The following TENM2 variants were observed in gnomAD, a reference collection of about 807,000 sequenced individuals.
The protein encoded by TENM2 is teneurin-2.
Under a neutral mutation model 245.2 loss-of-function variants are expected in TENM2, and 52 were observed. That is an observed-to-expected ratio of 0.21 (90% confidence interval 0.17 to 0.27). The LOEUF (loss-of-function observed/expected upper bound fraction) is 0.27. Among genes scored for constraint, TENM2 ranks in the 10% least tolerant of loss-of-function variants. TENM2 has a pLI of 1.00. For missense variants in TENM2, 3,046 were observed against 3,666.8 expected (o/e 0.83, Z 4.37); for synonymous variants, 1,363 against 1,438.9 (o/e 0.95, Z 1.19).
chr5:167,288,516 G>T (rs1284069998), intron 1 of TENM2, among the ~76,000 whole-genome samples: 2 of 147,468 alleles, frequency 1.4e-5, no homozygotes, highest in African/African-American at 5.1e-5. Flanking sequence ...CGGAGATCGC[G>T]CCACTGCACT....
chr5:167,007,798 C>T, the TENM2 span, among the ~76,000 whole-genome samples: 2 of 152,276 alleles, frequency 1.3e-5, no homozygotes, highest in African/African-American at 4.8e-5. This position sits in a 1 kb window ranked among gnomAD's most constrained non-coding sequence, Gnocchi z 4.2. Context: ...GGTGAGGTGG[C>T]ATGTTTCCAC....
At chr5:167,220,226 C>G in the TENM2 span, among the ~76,000 whole-genome samples, 1 of 150,380 alleles carries the variant, frequency 6.6e-6, no homozygotes, top group Non-Finnish European at 1.5e-5. Flanking sequence ...TGGGAGGAGA[C>G]TCTTAAGTCT....
Position 167,949,110 on chromosome 5 carries a change from C to A in TENM2, c.713-3478C>A, listed in dbSNP as rs76828295. On this transcript the variant is annotated intron_variant, in intron 3 of 28. Transcript: ENST00000518659. ...TACTGATACTGAATACCAAGGCACC[C>A]GAGTGAAACTAGGAGTCAAAAACAT... Among the ~76,000 whole-genome samples, 635 of 152,174 alleles carry A rather than the reference C, an allele frequency of 4.2e-3. 4 individuals carry two copies. Among genetic ancestry groups the A allele is most frequent in the African/African-American group, 0.015 (602 of 41,508 alleles).
intron 2 of TENM2, among the ~76,000 whole-genome samples, chr5:167,422,076 C>T (rs1021173371): frequency 2.0e-5 from 3 of 152,168 alleles, no homozygotes; most frequent in Non-Finnish European, 4.4e-5. Context: ...AGGCGTGAGC[C>T]ACCATTCCCG....
chr5:168,261,380 G>A (rs1464667047), intron 28 of TENM2, among the ~76,000 whole-genome samples: 1 of 152,140 alleles, frequency 6.6e-6, no homozygotes, highest in African/African-American at 2.4e-5. Context: ...TCTCAGCCTG[G>A]TGCTTCTCAA....
chr5:167,236,205 G>A, the TENM2 span, among the ~76,000 whole-genome samples: 1 of 152,116 alleles, frequency 6.6e-6, no homozygotes, highest in East Asian at 1.9e-4. Flanking sequence ...AAGAAGAAGA[G>A]TCATAATTTT....
intron 2 of TENM2, among the ~76,000 whole-genome samples, chr5:167,815,611 T>C (rs565237663): frequency 6.6e-6 from 1 of 152,300 alleles, no homozygotes; most frequent in South Asian, 2.1e-4. Flanking sequence ...GTTTTGGTTC[T>C]ATCCACAACA....
intron 1 of TENM2, among the ~76,000 whole-genome samples, chr5:167,293,894 C>T (rs751521750): frequency 1.3e-5 from 2 of 152,080 alleles, no homozygotes; most frequent in East Asian, 3.9e-4. Flanking sequence ...TGCATCTGCC[C>T]CTTCTCTGTG....
At chr5:167,111,249 C>T in the TENM2 span, among the ~76,000 whole-genome samples, 3 of 152,156 alleles carry the variant, frequency 2.0e-5, no homozygotes, top group East Asian at 3.9e-4. Context: ...TCTTTAATAA[C>T]CCAGAGATCA....
Position 167,463,100 on chromosome 5 carries a change from T to C in TENM2, c.502+87627T>C, listed in dbSNP as rs149913740. On this transcript the variant is annotated intron_variant, in intron 2 of 28. Transcript: ENST00000518659. ...ATGTAAGTAGAGATAAAAATGTAAATAGAGATGTTTATAAGGCATATAAAC... is the reference window on the plus strand; with the variant it reads ...ATGTAAGTAGAGATAAAAATGTAAACAGAGATGTTTATAAGGCATATAAAC... Among the ~76,000 whole-genome samples the C allele has an allele frequency of 6.6e-5, 10 of 152,262 alleles. No homozygotes were observed. The East Asian group carries it at 1.7e-3, about 27-fold the overall frequency.
At chr5:167,780,978 G>A (rs968233803) in intron 2 of TENM2, among the ~76,000 whole-genome samples, 3 of 152,036 alleles carry the variant, frequency 2.0e-5, no homozygotes, top group Non-Finnish European at 2.9e-5. Context: ...TGTTCTTGCT[G>A]TTACCTTCTA....
In TENM2 at chr5:167,876,201, G is replaced by A. The variant is rs1773411214; in HGVS notation, c.712+6G>A. 6.5e-7 allele frequency: 1 copy of A among 1,547,442 alleles called. No homozygotes were observed. The highest frequency in any genetic ancestry group is 8.7e-7 in the Non-Finnish European group (1 of 1,143,350). On this transcript the variant is annotated splice_donor_region_variant and intron_variant, in intron 3 of 28. Transcript: ENST00000518659. The stretch of plus-strand genomic sequence containing the variant: ...CCAGCAAGCCTCCAGCAGTGGTAAG[G>A]AAACTCCGTGGTGTCTGAATGTGTG...
chr5:167,819,803 A>G (rs2151030230), intron 2 of TENM2, among the ~76,000 whole-genome samples: 1 of 152,242 alleles, frequency 6.6e-6, no homozygotes, highest in African/African-American at 2.4e-5. Flanking sequence ...TCATTGCTCT[A>G]CTTGGCTAAA....
At chr5:168,073,469 G>A (rs370111295) in intron 7 of TENM2, among the ~76,000 whole-genome samples, 3 of 152,142 alleles carry the variant, frequency 2.0e-5, no homozygotes, top group South Asian at 2.1e-4. Context: ...ACAATTGACC[G>A]AAACTCTGCT....
chr5:167,343,577 C>T (rs1458439473), intron 1 of TENM2, among the ~76,000 whole-genome samples: 2 of 152,124 alleles, frequency 1.3e-5, no homozygotes, highest in African/African-American at 4.8e-5. Flanking sequence ...ATTTAAAAAG[C>T]CATACTTTGT....
intron 13 of TENM2, among the ~76,000 whole-genome samples, chr5:168,164,415 C>G (rs973145676): frequency 2.6e-5 from 4 of 151,978 alleles, no homozygotes; most frequent in Non-Finnish European, 4.4e-5. Context: ...CTTTGTACCC[C>G]TTAACCCACA....
chr5:168,056,703 C>T (rs2152074569), intron 6 of TENM2, among the ~76,000 whole-genome samples: 1 of 152,354 alleles, frequency 6.6e-6, no homozygotes, highest in South Asian at 2.1e-4. Flanking sequence ...CACTCACTGA[C>T]TTAAACAAAG....
chr5:167,634,141 C>T (rs997401122), intron 2 of TENM2, among the ~76,000 whole-genome samples: 1 of 152,152 alleles, frequency 6.6e-6, no homozygotes, highest in African/African-American at 2.4e-5. Context: ...AAGTGATGCT[C>T]ATGATTCAAT....
At chr5:167,109,208 A>G in the TENM2 span, among the ~76,000 whole-genome samples, 3 of 152,152 alleles carry the variant, frequency 2.0e-5, no homozygotes, top group Non-Finnish European at 4.4e-5. Context: ...ATGGGCAAAT[A>G]GAACACTTTT....
Sources: gnomAD v4.1 joint callset for allele counts (sites outside exome capture counted in the v4.1 genomes callset) on GRCh38, gnomAD v4.1.1 for gene constraint, Gnocchi (gnomAD v3.1) non-coding constraint, MANE v1.5 for transcripts, NCBI Gene and HGNC (gene_info 2026-07-23, HGNC 2026-07-21) for gene names.